The following UGGT1 variants were observed in gnomAD, a reference collection of about 807,000 sequenced individuals.
UGGT1 encodes UDP-glucose:glycoprotein glucosyltransferase 1.
Under a neutral mutation model 203.9 loss-of-function variants are expected in UGGT1, and 107 were observed. The observed-to-expected ratio is 0.52, with a 90% CI of 0.45 to 0.62. UGGT1 has a LOEUF of 0.62. Among genes scored for constraint, UGGT1 ranks in the 20% least tolerant of loss-of-function variants. UGGT1 has a pLI of 0.00. For synonymous variants in UGGT1, 628 were observed against 653.5 expected, an observed-to-expected ratio of 0.96 and a Z score of 0.59; for missense variants, 1,673 against 1,867.2, an observed-to-expected ratio of 0.90 and a Z score of 1.92.
chr2:128,138,674 A>G lies in UGGT1; in HGVS notation c.1584-43A>G, dbSNP rs73955940. ...GATGTCATTCTTTTTAACCATTTGC[A>G]TTCTTTGACATGTTTCTTTTTTTCT... On this transcript the variant is annotated intron_variant, in intron 15 of 40. Coordinates refer to ENST00000259253, the MANE Select transcript of UGGT1 (RefSeq NM_020120.4). 6.5e-4 allele frequency: 1,042 copies of G among 1,598,222 alleles called. 8 individuals carry two copies. In the Middle Eastern group the frequency reaches 0.013, roughly 20 times the overall value.
chr2:128,148,646 A>AT (rs1416959958), intron 18 of UGGT1, among the ~76,000 whole-genome samples: 1 of 151,968 alleles, frequency 6.6e-6, no homozygotes, highest in Non-Finnish European at 1.5e-5. Context: ...ACCTTCTAAG[A>AT]TTTTCCCTGG....
At chr2:128,158,689 C>A (rs1690368318) in intron 22 of UGGT1, among the ~76,000 whole-genome samples, 1 of 152,124 alleles carries the variant, frequency 6.6e-6, no homozygotes, top group African/African-American at 2.4e-5. Context: ...TTTTGGTACA[C>A]CCAAATATAA....
intron 26 of UGGT1, among the ~76,000 whole-genome samples, chr2:128,169,048 TAAAAAAA>T (rs544381740): frequency 1.1e-4 from 6 of 52,560 alleles, no homozygotes; most frequent in Admixed American, 2.9e-4. Context: ...ACTCTGTCTT[TAAAAAAA>T]AAAAAAAAAA....
chr2:128,091,487 CT>C (rs1198447109), intron 1 of UGGT1, 72 bp downstream of exon 1: 1 of 1,525,182 alleles, frequency 6.6e-7, no homozygotes, highest in Admixed American at 2.1e-5. Context: ...CCCTGTGCCC[CT>C]GTCACATTGA....
intron 17 of UGGT1, among the ~76,000 whole-genome samples, chr2:128,144,567 C>T (rs1284086174): frequency 6.6e-6 from 1 of 152,136 alleles, no homozygotes; most frequent in Non-Finnish European, 1.5e-5. Flanking sequence ...TAATGGATAT[C>T]TATGAAATAG....
At chr2:128,146,778 G>A (rs1007329582) in intron 18 of UGGT1, among the ~76,000 whole-genome samples, 1 of 152,094 alleles carries the variant, frequency 6.6e-6, no homozygotes, top group Non-Finnish European at 1.5e-5. Context: ...CAGCCACCCT[G>A]CCATTGGCAA....
rs142332526 is a variant in UGGT1, at chr2:128,120,194, T to C, written c.873-162T>C. On this transcript the variant is annotated intron_variant, in intron 8 of 40. Coordinates refer to ENST00000259253, the MANE Select transcript of UGGT1 (RefSeq NM_020120.4). ...TTAAACTAGCTTCTAATTTTCTATT[T>C]TTTTTAAAGAGGAATAATTATACTT... 2.5e-3 allele frequency among the ~76,000 whole-genome samples: 381 copies of C among 152,318 alleles called. 4 individuals are homozygous for C. The highest frequency in any genetic ancestry group is 8.2e-3 in the African/African-American group (341 of 41,576).
At chr2:128,123,109 C>T in intron 10 of UGGT1, 77 bp from the exon 11 acceptor site, 2 of 1,167,164 alleles carry the variant, frequency 1.7e-6, no homozygotes, top group East Asian at 2.6e-5. Flanking sequence ...TAATGTGTTT[C>T]ATATTTTAAA....
At chr2:128,144,351 A>G (rs1008029537) in intron 17 of UGGT1, among the ~76,000 whole-genome samples, 4 of 152,218 alleles carry the variant, frequency 2.6e-5, no homozygotes, top group Non-Finnish European at 5.9e-5. Flanking sequence ...TTGGTCTTGT[A>G]AACTATTTCT....
intron 29 of UGGT1, 67 bp from the exon 30 acceptor site, chr2:128,173,714 A>G: frequency 6.4e-7 from 1 of 1,555,142 alleles, no homozygotes; most frequent in Admixed American, 1.8e-5. Flanking sequence ...TTTACTTTGC[A>G]TAATGCATTT....
chr2:128,183,539 C>T (rs2104827223), intron 37 of UGGT1, 136 bp from the exon 38 acceptor site: 2 of 613,534 alleles, frequency 3.3e-6, no homozygotes, highest in Middle Eastern at 4.3e-4. Context: ...CACTTTAACT[C>T]CACTGTAGGG....
chr2:128,149,458 C>T (rs1689843982), intron 18 of UGGT1, among the ~76,000 whole-genome samples: 1 of 150,326 alleles, frequency 6.7e-6, no homozygotes, highest in Non-Finnish European at 1.5e-5. Context: ...TCCTGGCTAA[C>T]ACGGTGAAAC....
rs561287044 is a variant in UGGT1, at chr2:128,095,461, TTCCTCTTCCTCCTCC to T, written c.59-1947_59-1933del. ...CTCTTCCTCCTTCTTTCTTCTTTCT[TTCCTCTTCCTCCTCC>T]TCCTCTTCCTCCTCCTCCTCCCCCA... On this transcript the variant is annotated intron_variant, in intron 1 of 40. Transcript: ENST00000259253. 1.6e-3 allele frequency among the ~76,000 whole-genome samples: 236 copies of T among 148,336 alleles called. 1 individual carries two copies. The highest frequency in any genetic ancestry group is 3.6e-3 in the African/African-American group (144 of 40,000).
At chr2:128,128,844 CAT>C (rs1254623235) in intron 12 of UGGT1, among the ~76,000 whole-genome samples, 183 bp from the exon 13 acceptor site, 10 of 152,248 alleles carry the variant, frequency 6.6e-5, no homozygotes, top group Middle Eastern at 3.4e-3. Context: ...TTTTTAAAAT[CAT>C]GTGGTGTAAA....
At chr2:128,160,417 C>T in intron 23 of UGGT1, 43 bp from the exon 24 acceptor site, 1 of 1,559,708 alleles carries the variant, frequency 6.4e-7, no homozygotes, top group South Asian at 1.2e-5. Flanking sequence ...ATATGGTTTG[C>T]TTAGTAACGA....
rs1009492038 is a variant in UGGT1, at chr2:128,187,638, G to A, written c.4642+24G>A. ...AGGTAAGCACAAACCGTTGGTTTTA[G>A]GACAGTACTTCTTTCCATTTCTGAT... On this transcript the variant is annotated intron_variant, in intron 40 of 40. Coordinates refer to ENST00000259253, the MANE Select transcript of UGGT1 (RefSeq NM_020120.4). The A allele has an allele frequency of 2.5e-6, 4 of 1,584,216 alleles. No homozygotes were observed. In the African/African-American group the frequency reaches 5.4e-5, roughly 21 times the overall value.
At chr2:128,095,207 A>T (rs6705017) in intron 1 of UGGT1, among the ~76,000 whole-genome samples, 1 of 152,126 alleles carries the variant, frequency 6.6e-6, no homozygotes. Flanking sequence ...TGTAAAATCT[A>T]GTTTGGTTAT....
Position 128,113,247 on chromosome 2 carries a change from C to G in UGGT1, c.685C>G (p.His229Asp). The change falls in exon 6 of 41, where the codon CAT becomes GAT. Residue 229 changes from histidine (H) to aspartate (D), a missense_variant. His to Asp is a moderately conservative substitution (Grantham distance 81, BLOSUM62 -1). This residue lies in a region of UGGT1 where 1,073 missense variants were observed against 1,078.7 expected (regional missense o/e 0.99). Transcript: ENST00000259253. ...NAGKINYVFRHYIFNPRKEPV... is the reference protein window; with the variant it reads ...NAGKINYVFRDYIFNPRKEPV... ...AGGCAAAATCAATTATGTATTCAGA[C>G]ATTATATATTTGTAAGTATTGACTT... The G allele has an allele frequency of 6.2e-7, 1 of 1,602,888 alleles. No homozygotes were observed. Among genetic ancestry groups the G allele is most frequent in the Non-Finnish European group, 8.5e-7 (1 of 1,173,990 alleles).
At chr2:128,156,716 C>T (rs532225043) in intron 21 of UGGT1, among the ~76,000 whole-genome samples, 1 of 151,872 alleles carries the variant, frequency 6.6e-6, no homozygotes, top group African/African-American at 2.4e-5. Flanking sequence ...TACAGGCACC[C>T]GCCACCACGT....
Sources: allele counts gnomAD v4.1 joint callset (sites outside exome capture counted in the v4.1 genomes callset), GRCh38; gene constraint gnomAD v4.1.1; regional missense constraint gnomAD v4.1.1; transcripts MANE v1.5; gene names NCBI Gene and HGNC (gene_info 2026-07-23, HGNC 2026-07-21).